MYBL1: variants seen among roughly 807,000 people sequenced by gnomAD.
MYBL1 encodes myb-related protein A.
Under a neutral mutation model 96.3 loss-of-function variants are expected in MYBL1, and 17 were observed. The ratio of observed to expected loss-of-function variants is 0.18; its 90% CI spans 0.12 to 0.26. The LOEUF is 0.26. Among genes scored for constraint, MYBL1 ranks in the 10% least tolerant of loss-of-function variants. The pLI, the probability that MYBL1 is intolerant of heterozygous loss-of-function variation, is 1.00. For synonymous variants in MYBL1, 282 were observed against 292.7 expected, an observed-to-expected ratio of 0.96 and a Z score of 0.37; for missense variants, 701 against 882.9, an observed-to-expected ratio of 0.79 and a Z score of 2.61.
Position 66,602,469 on chromosome 8 carries a change from T to C in MYBL1, c.75A>G (p.Gln25=), listed in dbSNP as rs770303394. ...QYADHDYEVP[Q]QKGLKKLWNR... ...TCCAGAGTTTCTTCAGTCCTTTTTG[T>C]TGTGGTACTTCATAATCATGATCGG... The change falls in exon 2 of 16, where the codon CAA becomes CAG. Residue 25 remains glutamine, a synonymous_variant. Transcript: ENST00000522677. 30 of 1,609,350 alleles carry C rather than the reference T, an allele frequency of 1.9e-5. No homozygotes were observed. Among genetic ancestry groups the C allele is most frequent in the Non-Finnish European group, 2.5e-5 (30 of 1,177,216 alleles).
intron 10 of MYBL1, 131 bp from the exon 11 acceptor site, chr8:66,573,637 T>C (rs1808824107): frequency 6.5e-6 from 5 of 770,710 alleles, no homozygotes; most frequent in South Asian, 7.0e-5. Flanking sequence ...ATTACACTTA[T>C]ACTCCATGGA....
At chr8:66,594,935 G>A (rs1809792334) in intron 6 of MYBL1, among the ~76,000 whole-genome samples, 1 of 152,150 alleles carries the variant, frequency 6.6e-6, no homozygotes, top group Non-Finnish European at 1.5e-5. Context: ...ATTGCTCATT[G>A]TGAAAAATGG....
At chr8:66,591,588 G>C (rs560046589) in intron 8 of MYBL1, among the ~76,000 whole-genome samples, 1 of 151,930 alleles carries the variant, frequency 6.6e-6, no homozygotes, top group Non-Finnish European at 1.5e-5. Context: ...ATTGTTTAGA[G>C]AGCATAAAAT....
chr8:66,584,302 G>T (rs1256688955), intron 8 of MYBL1, among the ~76,000 whole-genome samples: 1 of 152,070 alleles, frequency 6.6e-6, no homozygotes, highest in Admixed American at 6.6e-5. Context: ...TTTTCTCTAA[G>T]ATCTCAAATG....
rs1808778677 is a variant in MYBL1 at position 66,572,556 on chromosome 8, T to G, written c.1654A>C (p.Thr552Pro). The change falls in exon 12 of 16, where the codon ACA becomes CCA. Residue 552 changes from threonine (T) to proline (P), a missense_variant. This residue lies in a region of MYBL1 where 63 missense variants were observed against 109.2 expected (regional missense o/e 0.58). Transcript: ENST00000522677. ...TTAAAAGGAGTAGGAGTTCTTGGTG[T>G]GGTACCCAGTATAGATCTTCTAATA... The part of the protein sequence containing the change: ...PTIRRSILGT[T>P]PRTPTPFKNA... 1 of 1,602,840 alleles carries G rather than the reference T, an allele frequency of 6.2e-7. No individual in the cohort carries two copies. The highest frequency in any genetic ancestry group is 1.3e-5 in the African/African-American group (1 of 74,748).
intron 1 of MYBL1, among the ~76,000 whole-genome samples, chr8:66,610,512 T>G (rs1810486864): frequency 6.6e-6 from 1 of 152,082 alleles, no homozygotes; most frequent in Non-Finnish European, 1.5e-5. Context: ...CTTGAACGCT[T>G]AAGTGGTTGT....
intron 3 of MYBL1, among the ~76,000 whole-genome samples, chr8:66,601,413 G>A (rs1309221042): frequency 1.7e-4 from 26 of 151,776 alleles, no homozygotes; most frequent in Admixed American, 1.5e-3. Flanking sequence ...ATGTTTTAAC[G>A]TGTATTAGCA....
At chr8:66,573,254 C>A in intron 11 of MYBL1, 110 bp downstream of exon 11, 1 of 1,103,570 alleles carries the variant, frequency 9.1e-7, no homozygotes, top group Non-Finnish European at 1.2e-6. Flanking sequence ...AATTCTAAGT[C>A]CTGTAGGAAT....
intron 4 of MYBL1, 57 bp from the exon 5 acceptor site, chr8:66,597,607 A>G (rs867317639): frequency 1.9e-6 from 2 of 1,051,652 alleles, no homozygotes; most frequent in Non-Finnish European, 2.8e-6. Flanking sequence ...ATTTTAAAAC[A>G]TAATTCAAGA....
rs1340130683 is a variant in MYBL1, at chr8:66,573,043, C to T, written c.1613+321G>A. ...CAGCCTGGCCAACATAGTGAAACCC[C>T]ATCTCTACTACATACACAATATTAA... On this transcript the variant is annotated intron_variant, in intron 11 of 15. Transcript: ENST00000522677. Among the ~76,000 whole-genome samples, 3 of 152,172 alleles carry T rather than the reference C, an allele frequency of 2.0e-5. No individual in the cohort carries two copies. In the East Asian group the frequency reaches 5.8e-4, roughly 29 times the overall value.
rs1427331018 is a variant in MYBL1 at position 66,573,424 on chromosome 8, G to C, written c.1553C>G (p.Ala518Gly). 6.2e-7 allele frequency: 1 copy of C among 1,612,746 alleles called. No individual in the cohort carries two copies. Among genetic ancestry groups the C allele is most frequent in the Admixed American group, 1.7e-5 (1 of 59,908 alleles). The change falls in exon 11 of 16, where the codon GCT becomes GGT. Residue 518 changes from alanine (A) to glycine (G), a missense_variant. By Grantham distance (60) the Ala-to-Gly change is moderately conservative. Coordinates refer to ENST00000522677, the MANE Select transcript of MYBL1 (RefSeq NM_001080416.4). Reference sequence around the variant, plus strand: ...CTTATGAAGAGGAGTTGTAATGAGAGCTTTCTGCCCACAAATAGGGGTTGA... The same window carrying C: ...CTTATGAAGAGGAGTTGTAATGAGACCTTTCTGCCCACAAATAGGGGTTGA... ...FTSTPICGQK[A>G]LITTPLHKET...
At position 66,576,151 on chromosome 8, in the gene MYBL1, A is replaced by G; in HGVS notation, c.1326T>C (p.Thr442=). The G allele has an allele frequency of 6.2e-7, 1 of 1,613,976 alleles. No individual in the cohort carries two copies. Among genetic ancestry groups the G allele is most frequent in the Non-Finnish European group, 8.5e-7 (1 of 1,179,890 alleles). Residue 442 remains threonine (T), a synonymous_variant, in exon 10 of 16, where the codon ACT becomes ACC. Coordinates refer to ENST00000522677, the MANE Select transcript of MYBL1 (RefSeq NM_001080416.4). ...LTSPNIAKFS[T]PPAILRKKRK... is the part of the protein sequence containing the mutation. The stretch of plus-strand genomic sequence containing the variant: ...TCTTCTTTCTGAGGATGGCTGGTGG[A>G]GTGCTAAACTTGGCTATATTTGGGG...
chr8:66,575,770 A>G (rs1267273261), intron 10 of MYBL1, among the ~76,000 whole-genome samples: 2 of 152,212 alleles, frequency 1.3e-5, no homozygotes, highest in African/African-American at 4.8e-5. Context: ...AACCTCGGCA[A>G]CAAAGTGAGT....
chr8:66,601,602 A>T lies in MYBL1; in HGVS notation c.198+96T>A. The T allele has an allele frequency of 1.2e-5, 8 of 682,090 alleles. No homozygotes were observed. In the South Asian group the frequency reaches 1.8e-4, roughly 15 times the overall value. The allele number at this position is 682,090 out of a possible 1,614,324, so 42.3% of individuals were successfully genotyped here. A position where few individuals can be genotyped will look rare whatever the true frequency, so the allele number is the denominator to read the frequency against. On this transcript the variant is annotated intron_variant, in intron 3 of 15. Coordinates refer to ENST00000522677, the MANE Select transcript of MYBL1 (RefSeq NM_001080416.4). ...GGGATGTTTTTAGGAAGGAAACCTA[A>T]AATTAAAATATGTAGACACATTTTT...
intron 12 of MYBL1, among the ~76,000 whole-genome samples, chr8:66,571,679 G>A (rs927462474): frequency 3.3e-5 from 5 of 151,906 alleles, no homozygotes; most frequent in East Asian, 3.9e-4. Context: ...TCAGGAGATC[G>A]AGACCATCCT....
intron 8 of MYBL1, among the ~76,000 whole-genome samples, chr8:66,582,718 C>CA (rs1347460099): frequency 0.063 from 3,448 of 55,108 alleles, 133 homozygotes; most frequent in African/African-American, 0.17. Flanking sequence ...AACCCTGCCT[C>CA]AAAAAAAAAA....
chr8:66,591,617 A>T (rs896600882), intron 8 of MYBL1, among the ~76,000 whole-genome samples: 1 of 152,030 alleles, frequency 6.6e-6, no homozygotes, highest in South Asian at 2.1e-4. Flanking sequence ...TCCTTTTTCC[A>T]TATATTTTTA....
In MYBL1 at chr8:66,573,472, T is replaced by C. The variant is rs1284703164; in HGVS notation, c.1505A>G (p.Asn502Ser). ...FNTCPGNEQL[N>S]IENPSFTSTP... ...TGATGTAAATGAAGGATTTTCTATA[T>C]TAAGTTGTTCATTACCAGGACATGT... Residue 502 changes from asparagine (N) to serine (S), a missense_variant, in exon 11 of 16, where the codon AAT (asparagine) becomes AGT (serine). Transcript: ENST00000522677. 4.3e-6 allele frequency: 7 copies of C among 1,610,530 alleles called. No homozygotes were observed. The South Asian group carries it at 7.8e-5, about 18-fold the overall frequency.
chr8:66,612,784 C>T (rs570752710), intron 1 of MYBL1, 35 bp downstream of exon 1: 1 of 1,349,026 alleles, frequency 7.4e-7, no homozygotes, highest in Non-Finnish European at 9.6e-7. Context: ...GCCGAGACGG[C>T]GCCGACAGGC....
Sources: gnomAD v4.1 joint callset for allele counts (sites outside exome capture counted in the v4.1 genomes callset) on GRCh38, gnomAD v4.1.1 for gene constraint, gnomAD v4.1.1 regional missense constraint, MANE v1.5 for transcripts, NCBI Gene and HGNC (gene_info 2026-07-23, HGNC 2026-07-21) for gene names.